UBE2E2: variants seen among roughly 807,000 people sequenced by gnomAD.
UBE2E2 encodes ubiquitin-conjugating enzyme E2 E2.
Under a neutral mutation model 24.7 loss-of-function variants are expected in UBE2E2, and 6 were observed. The observed-to-expected ratio is 0.24, with a 90% CI of 0.13 to 0.48. UBE2E2 has a LOEUF of 0.48. Ranked by LOEUF, UBE2E2 falls within the 20% of genes least tolerant of loss-of-function variation. UBE2E2 has a pLI of 0.99. For synonymous variants in UBE2E2, 104 were observed against 83.6 expected, an observed-to-expected ratio of 1.24 and a Z score of -1.33; for missense variants, 169 against 245.0, an observed-to-expected ratio of 0.69 and a Z score of 2.07.
At chr3:23,420,623 TAAGA>T (rs1338765652) in intron 3 of UBE2E2, among the ~76,000 whole-genome samples, 2 of 152,248 alleles carry the variant, frequency 1.3e-5, no homozygotes, top group Admixed American at 1.3e-4. Context: ...TTGTAACTTC[TAAGA>T]CAAGGCTTTG....
chr3:23,356,709 A>T (rs978938868), intron 3 of UBE2E2, among the ~76,000 whole-genome samples: 17 of 152,166 alleles, frequency 1.1e-4, no homozygotes, highest in African/African-American at 3.9e-4. Context: ...AATTCCAAGT[A>T]GTTTTAGGTG....
chr3:23,242,154 C>T (rs1697275907), intron 3 of UBE2E2, among the ~76,000 whole-genome samples: 1 of 152,008 alleles, frequency 6.6e-6, no homozygotes, highest in South Asian at 2.1e-4. Flanking sequence ...TGACCTCCTG[C>T]CTTGACCTCC....
rs138008750 is a variant in UBE2E2, at chr3:23,288,010, C to T, written c.227+70698C>T. ...CTTGCTTTTCTGGTTCTTTAAAATG[C>T]ATCATTAGGTTGTTTATTTGAAGTT... On this transcript the variant is annotated intron_variant, in intron 3 of 5. Coordinates refer to ENST00000396703, the MANE Select transcript of UBE2E2 (RefSeq NM_152653.4). Among the ~76,000 whole-genome samples, 100 of 151,990 alleles carry T rather than the reference C, an allele frequency of 6.6e-4. 5 individuals carry two copies. The East Asian group carries it at 0.016, about 24-fold the overall frequency.
intron 3 of UBE2E2, among the ~76,000 whole-genome samples, chr3:23,267,307 G>C: frequency 6.6e-6 from 1 of 151,942 alleles, no homozygotes; most frequent in Non-Finnish European, 1.5e-5. Flanking sequence ...TAGACCGCTA[G>C]CAAGACTAAT....
intron 3 of UBE2E2, among the ~76,000 whole-genome samples, chr3:23,297,255 A>G (rs1427113497): frequency 6.6e-6 from 1 of 151,814 alleles, no homozygotes; most frequent in Non-Finnish European, 1.5e-5. Flanking sequence ...CCCATTCTGT[A>G]GGTTGCCTGT....
At chr3:23,580,369 G>A (rs977759942) in intron 5 of UBE2E2, among the ~76,000 whole-genome samples, 2 of 152,190 alleles carry the variant, frequency 1.3e-5, no homozygotes, top group Non-Finnish European at 2.9e-5. Context: ...TGATCAGTCA[G>A]CAGCCATCCA....
Position 23,413,541 on chromosome 3 carries a change from T to C in UBE2E2, c.228-86067T>C, listed in dbSNP as rs139944021. ...AGCTTCTAATGTTTTTTCTTCACTTTTGGTGTAAAAGATTCTCCTCTCTCT... is the reference window on the plus strand; with the variant it reads ...AGCTTCTAATGTTTTTTCTTCACTTCTGGTGTAAAAGATTCTCCTCTCTCT... On this transcript the variant is annotated intron_variant, in intron 3 of 5. Transcript: ENST00000396703. Among the ~76,000 whole-genome samples, 17 of 152,254 alleles carry C rather than the reference T, an allele frequency of 1.1e-4. 1 individual carries two copies. In the East Asian group the frequency reaches 3.3e-3, roughly 29 times the overall value.
chr3:23,451,970 T>C (rs1698570619), intron 3 of UBE2E2, among the ~76,000 whole-genome samples: 1 of 152,230 alleles, frequency 6.6e-6, no homozygotes, highest in Non-Finnish European at 1.5e-5. Context: ...CCTGTTAATG[T>C]TATTCTTACT....
intron 3 of UBE2E2, among the ~76,000 whole-genome samples, chr3:23,255,745 C>T (rs1697706327): frequency 6.6e-6 from 1 of 152,072 alleles, no homozygotes; most frequent in Non-Finnish European, 1.5e-5. Context: ...TAGCAAAAAT[C>T]TAAACTATTT....
At chr3:23,231,860 T>C (rs975183536) in intron 3 of UBE2E2, among the ~76,000 whole-genome samples, 2 of 152,134 alleles carry the variant, frequency 1.3e-5, no homozygotes, top group Admixed American at 6.5e-5. Flanking sequence ...TGAAAAGATA[T>C]ATAGGTTGAG....
At chr3:23,417,133 C>G (rs1314747634) in intron 3 of UBE2E2, among the ~76,000 whole-genome samples, 1 of 152,162 alleles carries the variant, frequency 6.6e-6, no homozygotes, top group Non-Finnish European at 1.5e-5. Flanking sequence ...AAGAGGCTTT[C>G]TGGTTTTTGG....
At chr3:23,433,322 C>G (rs928581902) in intron 3 of UBE2E2, among the ~76,000 whole-genome samples, 1 of 151,634 alleles carries the variant, frequency 6.6e-6, no homozygotes, top group Non-Finnish European at 1.5e-5. Flanking sequence ...TAAAAAAAAG[C>G]TGAAAAACAG....
intron 3 of UBE2E2, among the ~76,000 whole-genome samples, chr3:23,447,084 A>G (rs756116132): frequency 2.6e-4 from 40 of 152,154 alleles, no homozygotes; most frequent in Non-Finnish European, 5.6e-4. Flanking sequence ...CAGATCAGCC[A>G]TATGTTACTA....
chr3:23,576,764 G>A (rs908753953), intron 5 of UBE2E2, among the ~76,000 whole-genome samples: 1 of 152,188 alleles, frequency 6.6e-6, no homozygotes, highest in African/African-American at 2.4e-5. Context: ...TGGTTCTCCA[G>A]TACCTGGAAC....
intron 5 of UBE2E2, among the ~76,000 whole-genome samples, chr3:23,586,268 G>T (rs1696623105): frequency 6.6e-6 from 1 of 152,146 alleles, no homozygotes; most frequent in Admixed American, 6.6e-5. Flanking sequence ...AGAATTTTAA[G>T]TGAACATCAA....
chr3:23,299,673 T>C (rs1049070985), intron 3 of UBE2E2, among the ~76,000 whole-genome samples: 2 of 152,230 alleles, frequency 1.3e-5, no homozygotes, highest in Admixed American at 1.3e-4. Flanking sequence ...TTCTGTTCTT[T>C]TGCATTTGCT....
At chr3:23,515,573 G>T (rs1041969232) in intron 4 of UBE2E2, among the ~76,000 whole-genome samples, 3 of 152,138 alleles carry the variant, frequency 2.0e-5, no homozygotes, top group African/African-American at 7.2e-5. Flanking sequence ...TAGTATGGGT[G>T]TATAACCAGC....
At chr3:23,440,075 AC>A (rs1466068474) in intron 3 of UBE2E2, among the ~76,000 whole-genome samples, 1 of 151,974 alleles carries the variant, frequency 6.6e-6, no homozygotes, top group East Asian at 1.9e-4. Flanking sequence ...GGAGTTCAAG[AC>A]CAGCCTGGCC....
At chr3:23,386,512 A>G (rs1399379980) in intron 3 of UBE2E2, among the ~76,000 whole-genome samples, 2 of 152,228 alleles carry the variant, frequency 1.3e-5, no homozygotes, top group African/African-American at 4.8e-5. Flanking sequence ...GGTTCTTAAA[A>G]GGCGTGAGTT....
Sources: gnomAD v4.1 joint callset for allele counts (sites outside exome capture counted in the v4.1 genomes callset) on GRCh38, gnomAD v4.1.1 for gene constraint, MANE v1.5 for transcripts, NCBI Gene and HGNC (gene_info 2026-07-23, HGNC 2026-07-21) for gene names.